CSMD3: variants seen among roughly 807,000 people sequenced by gnomAD.
CSMD3 encodes CUB and Sushi multiple domains 3, also known as CUB and sushi domain-containing protein 3.
CSMD3 carries 177 observed loss-of-function variants against 435.2 expected under a neutral mutation model. That is an observed-to-expected ratio of 0.41 (90% CI 0.36 to 0.46). CSMD3 has a LOEUF of 0.46. CSMD3 is among the 20% of genes least tolerant of loss of function. CSMD3 has a pLI of 0.34. For synonymous variants in CSMD3, 1,656 were observed against 1,520.5 expected, an observed-to-expected ratio of 1.09 and a Z score of -2.07; for missense variants, 4,265 against 4,504.6, an observed-to-expected ratio of 0.95 and a Z score of 1.52.
chr8:112,251,785 C>T (rs1485250813), intron 63 of CSMD3, among the ~76,000 whole-genome samples: 1 of 151,706 alleles, frequency 6.6e-6, no homozygotes, highest in Non-Finnish European at 1.5e-5. Flanking sequence ...TTGCCCAGAG[C>T]TCAGTTTAAC....
chr8:112,755,938 T>G (rs1313547945), intron 13 of CSMD3, among the ~76,000 whole-genome samples: 1 of 151,704 alleles, frequency 6.6e-6, no homozygotes, highest in Non-Finnish European at 1.5e-5. Flanking sequence ...TATTTTATTT[T>G]ATATTTCTGC....
chr8:112,269,024 C>A (rs1449906840), intron 59 of CSMD3, among the ~76,000 whole-genome samples: 2 of 152,158 alleles, frequency 1.3e-5, no homozygotes, highest in Non-Finnish European at 2.9e-5. Context: ...TCCAAAAGCA[C>A]CCCCTGCCCC....
chr8:112,245,378 T>C (rs1301085794), intron 64 of CSMD3, among the ~76,000 whole-genome samples: 1 of 152,152 alleles, frequency 6.6e-6, no homozygotes, highest in African/African-American at 2.4e-5. Flanking sequence ...TTCATAGATA[T>C]ACATCCATAA....
chr8:113,378,651 G>A (rs1241125185), intron 1 of CSMD3, among the ~76,000 whole-genome samples: 1 of 152,162 alleles, frequency 6.6e-6, no homozygotes, highest in Non-Finnish European at 1.5e-5. Flanking sequence ...ATGTCTACGT[G>A]CAAGAATGTT....
intron 17 of CSMD3, among the ~76,000 whole-genome samples, chr8:112,664,335 C>T (rs1274149012): frequency 1.3e-5 from 2 of 152,004 alleles, no homozygotes; most frequent in East Asian, 1.9e-4. Context: ...CCAAACCAAA[C>T]ATAATTCTGT....
intron 6 of CSMD3, among the ~76,000 whole-genome samples, chr8:112,991,000 G>A (rs758372336): frequency 1.6e-4 from 24 of 151,506 alleles, no homozygotes; most frequent in East Asian, 9.7e-4. Context: ...TGATTACCTC[G>A]GGTCATCTCT....
intron 32 of CSMD3, among the ~76,000 whole-genome samples, chr8:112,463,352 ACT>A (rs148938348): frequency 0.019 from 2,935 of 152,156 alleles, 104 homozygotes; most frequent in African/African-American, 0.067. Flanking sequence ...ACAGAGTAAG[ACT>A]CTGTCTCAAA....
chr8:112,462,964 G>A (rs1255055355), intron 32 of CSMD3, among the ~76,000 whole-genome samples: 1 of 152,194 alleles, frequency 6.6e-6, no homozygotes, highest in Non-Finnish European at 1.5e-5. Context: ...CACGCATTTT[G>A]AAACTGCTTG....
chr8:112,737,609 A>G (rs1268603139), intron 13 of CSMD3, among the ~76,000 whole-genome samples: 1 of 151,900 alleles, frequency 6.6e-6, no homozygotes, highest in Non-Finnish European at 1.5e-5. Context: ...ATAGCATCCC[A>G]TATCATTCTC....
At chr8:112,606,709 T>C (rs13274931) in intron 22 of CSMD3, among the ~76,000 whole-genome samples, 86,918 of 151,902 alleles carry the variant, frequency 0.57, 25,374 homozygotes, top group African/African-American at 0.68. Context: ...CTTAATGGTA[T>C]ACAACTAGAA....
intron 13 of CSMD3, among the ~76,000 whole-genome samples, chr8:112,799,679 T>G (rs2078915127): frequency 6.6e-6 from 1 of 152,014 alleles, no homozygotes; most frequent in African/African-American, 2.4e-5. Context: ...GATCTGTATC[T>G]TTACTGACAC....
Position 112,405,059 on chromosome 8 carries a change from C to A in CSMD3, c.5809+1465G>T, listed in dbSNP as rs1046787667. ...AAAATTAGCTGGGCATGGTAGTGCA[C>A]GCCTGTAATCCCAGCTACTCTCTAT... On this transcript the variant is annotated intron_variant, in intron 35 of 70. Coordinates refer to ENST00000297405, the MANE Select transcript of CSMD3 (RefSeq NM_198123.2). Among the ~76,000 whole-genome samples the A allele has an allele frequency of 3.4e-5, 5 of 149,016 alleles. No individual in the cohort carries two copies. In the South Asian group the frequency reaches 1.1e-3, roughly 32 times the overall value.
At chr8:112,483,217 G>A (rs773533530) in intron 31 of CSMD3, among the ~76,000 whole-genome samples, 4 of 152,110 alleles carry the variant, frequency 2.6e-5, no homozygotes, top group South Asian at 2.1e-4. Context: ...TAGGCTGGGC[G>A]CGGTGGCTCA....
chr8:112,802,980 C>T (rs1037323230), intron 12 of CSMD3, among the ~76,000 whole-genome samples: 2 of 152,160 alleles, frequency 1.3e-5, no homozygotes, highest in Non-Finnish European at 2.9e-5. Flanking sequence ...ATTCTTTCTC[C>T]TAAACAGCTA....
intron 27 of CSMD3, among the ~76,000 whole-genome samples, chr8:112,546,400 G>A (rs1191321137): frequency 6.6e-6 from 1 of 152,158 alleles, no homozygotes; most frequent in East Asian, 1.9e-4. Flanking sequence ...ACAATAATAA[G>A]GATGAGAACA....
chr8:112,325,801 A>C (rs1317680850), intron 45 of CSMD3, among the ~76,000 whole-genome samples: 1 of 152,032 alleles, frequency 6.6e-6, no homozygotes, highest in African/African-American at 2.4e-5. Flanking sequence ...AAACTGGCAA[A>C]ACTTGGGCAA....
At chr8:113,171,393 G>C (rs894531703) in intron 4 of CSMD3, among the ~76,000 whole-genome samples, 2 of 152,076 alleles carry the variant, frequency 1.3e-5, no homozygotes, top group Non-Finnish European at 2.9e-5. Flanking sequence ...TGTCTGAATT[G>C]AGATGAAGGA....
chr8:112,260,849 GAGA>G (rs1338475899), intron 61 of CSMD3, among the ~76,000 whole-genome samples: 1 of 152,048 alleles, frequency 6.6e-6, no homozygotes, highest in Non-Finnish European at 1.5e-5. Context: ...ATTACTTAAT[GAGA>G]ACAGTATATA....
chr8:112,660,802 T>G (rs2075361690), intron 17 of CSMD3, among the ~76,000 whole-genome samples: 1 of 152,206 alleles, frequency 6.6e-6, no homozygotes, highest in Admixed American at 6.5e-5. Context: ...TCTTAAAGCA[T>G]TGTAACTCCT....
Sources: allele counts gnomAD v4.1 joint callset (sites outside exome capture counted in the v4.1 genomes callset), GRCh38; gene constraint gnomAD v4.1.1; transcripts MANE v1.5; gene names NCBI Gene and HGNC (gene_info 2026-07-23, HGNC 2026-07-21).